Variants in DNAH10 observed in about 807,000 individuals in gnomAD.
DNAH10 encodes axonemal beta dynein heavy chain 10.
Under a neutral mutation model 506.6 loss-of-function variants are expected in DNAH10, and 348 were observed. The ratio of observed to expected loss-of-function variants is 0.69; its 90% confidence interval spans 0.63 to 0.75. The LOEUF (loss-of-function observed/expected upper bound fraction) is 0.75. DNAH10 is among the 30% of genes least tolerant of loss of function. The pLI, the probability that DNAH10 is intolerant of heterozygous loss-of-function variation, is 0.00. For missense variants in DNAH10, 5,179 were observed against 5,787.1 expected (o/e 0.89, Z 3.41); for synonymous variants, 2,059 against 2,198.6 (o/e 0.94, Z 1.78).
intron 29 of DNAH10, 121 bp downstream of exon 29, chr12:123,838,810 T>C: frequency 1.1e-6 from 1 of 898,536 alleles, no homozygotes; most frequent in Non-Finnish European, 1.7e-6. Context: ...CTGCTGGAGT[T>C]GGTTTTTTGG....
In DNAH10 at chr12:123,917,749, G is replaced by A; in HGVS notation, c.11168G>A (p.Gly3723Glu). 1 of 1,574,978 alleles carries A rather than the reference G, an allele frequency of 6.3e-7. No individual in the cohort carries two copies. Among genetic ancestry groups the A allele is most frequent in the Non-Finnish European group, 8.6e-7 (1 of 1,160,620 alleles). Residue 3723 changes from glycine to glutamate, a missense_variant, in exon 64 of 79, where the codon GGG becomes GAG. Gly to Glu is a moderately conservative substitution (Grantham distance 98). Coordinates refer to ENST00000673944, the MANE Select transcript of DNAH10 (RefSeq NM_001372106.1). The surrounding 1 kb of genome is among the most constrained non-coding windows in gnomAD (Gnocchi z 5.6). ...SLLRELATST[G>E]NMLDNVDLVH... ...CTTCGGGAGCTGGCCACGTCCACGGGGAACATGCTGGACAATGTGGACCTG... is the reference window on the plus strand; with the variant it reads ...CTTCGGGAGCTGGCCACGTCCACGGAGAACATGCTGGACAATGTGGACCTG...
At chr12:123,921,505 G>C (rs1954720897) in intron 65 of DNAH10, among the ~76,000 whole-genome samples, 1 of 152,084 alleles carries the variant, frequency 6.6e-6, no homozygotes, top group African/African-American at 2.4e-5. Flanking sequence ...CAAACAAGCT[G>C]TCCACCCATC....
At chr12:123,797,037 A>T (rs1178479804) in intron 13 of DNAH10, among the ~76,000 whole-genome samples, 5 of 151,932 alleles carry the variant, frequency 3.3e-5, no homozygotes, top group African/African-American at 1.2e-4. Flanking sequence ...CGTCCGGCTA[A>T]TTTTTTTGTA....
intron 2 of DNAH10, 141 bp downstream of exon 2, chr12:123,767,830 A>G (rs986974444): frequency 1.4e-6 from 1 of 707,822 alleles, no homozygotes; most frequent in Admixed American, 2.4e-5. Flanking sequence ...GGTCATGAAT[A>G]GACGGATGTA....
At chr12:123,849,104 A>G (rs753951503) in intron 34 of DNAH10, among the ~76,000 whole-genome samples, 2 of 152,222 alleles carry the variant, frequency 1.3e-5, no homozygotes, top group Non-Finnish European at 2.9e-5. Flanking sequence ...GACTCCAGAC[A>G]CAGAACCAAT....
At chr12:123,781,864 C>A (rs757194150) in intron 6 of DNAH10, among the ~76,000 whole-genome samples, 1 of 152,162 alleles carries the variant, frequency 6.6e-6, no homozygotes, top group Non-Finnish European at 1.5e-5. Flanking sequence ...CTCCCCTCCC[C>A]CTTTACGTAA....
In DNAH10 at chr12:123,915,113, G is replaced by A; in HGVS notation, c.10722+114G>A. On this transcript the variant is annotated intron_variant, in intron 62 of 78. Transcript: ENST00000673944. The stretch of plus-strand genomic sequence containing the variant: ...AGCCTCAGCGAGGCTGGGCTGAAAT[G>A]CTTCCATCCTGACCCCCATGCGGAG... 2.2e-6 allele frequency: 3 copies of A among 1,373,012 alleles called. No individual in the cohort carries two copies. The South Asian group carries it at 4.6e-5, about 21-fold the overall frequency. The allele number at this position is 1,373,012 out of a possible 1,614,324, so 85.1% of individuals were successfully genotyped here. A position where few individuals can be genotyped will look rare whatever the true frequency, so the allele number is the denominator to read the frequency against.
intron 30 of DNAH10, among the ~76,000 whole-genome samples, chr12:123,841,917 C>G (rs1950789251): frequency 1.3e-5 from 2 of 152,192 alleles, no homozygotes; most frequent in African/African-American, 4.8e-5. Flanking sequence ...AACTCCTGGG[C>G]TCAAGTGATC....
Position 123,925,082 on chromosome 12 carries a change from C to T in DNAH10, c.11799C>T (p.Pro3933=), listed in dbSNP as rs778307883. 34 of 1,613,998 alleles carry T rather than the reference C, an allele frequency of 2.1e-5. No homozygotes were observed. Among genetic ancestry groups the T allele is most frequent in the East Asian group, 2.2e-5 (1 of 44,888 alleles). Residue 3933 remains proline (P), a synonymous_variant, in exon 68 of 79, where the codon CCC becomes CCT. Transcript: ENST00000673944. The surrounding 1 kb of genome is among the most constrained non-coding windows in gnomAD (Gnocchi z 4.0). The part of the protein sequence containing the change: ...WYDLDSLEQF[P]VPLGYDNNIT... ...ACCTGGATTCACTGGAGCAGTTTCC[C>T]GTCCCCTTGGGTTACGATAACAACA...
chr12:123,851,212 C>T (rs1261239172), intron 35 of DNAH10, 136 bp downstream of exon 35: 21 of 909,982 alleles, frequency 2.3e-5, no homozygotes, highest in Non-Finnish European at 2.9e-5. Flanking sequence ...CCATGTGGCT[C>T]TTCCAGATGG....
chr12:123,821,272 A>G (rs1959376405), intron 24 of DNAH10, among the ~76,000 whole-genome samples: 2 of 152,168 alleles, frequency 1.3e-5, no homozygotes, highest in African/African-American at 4.8e-5. Context: ...AAGTTCTGGA[A>G]ATAGATAGTG....
chr12:123,935,009 G>T (rs1955424951), intron 78 of DNAH10: 1 of 621,620 alleles, frequency 1.6e-6, no homozygotes. Flanking sequence ...TGATCCTGTG[G>T]TCTAGACTAA....
chr12:123,883,346 C>A (rs1952592738), intron 51 of DNAH10, among the ~76,000 whole-genome samples: 1 of 152,210 alleles, frequency 6.6e-6, no homozygotes, highest in Non-Finnish European at 1.5e-5. Flanking sequence ...TCCTGTTTGT[C>A]CACACCATTC....
intron 1 of DNAH10, among the ~76,000 whole-genome samples, chr12:123,766,425 TA>T (rs1254224279): frequency 6.6e-6 from 1 of 152,218 alleles, no homozygotes; most frequent in Non-Finnish European, 1.5e-5. Context: ...TCATACTATA[TA>T]TACATATTAT....
chr12:123,928,410 G>A lies in DNAH10; in HGVS notation c.12129G>A (p.Thr4043=), dbSNP rs746506112. 5.6e-6 allele frequency: 9 copies of A among 1,604,754 alleles called. No homozygotes were observed. Among genetic ancestry groups the A allele is most frequent in the Admixed American group, 1.7e-5 (1 of 58,866 alleles). ...QEKVALQLLE[T]AVARGQWLML... is the part of the protein sequence containing the mutation. ...AGGTGGCCCTGCAGCTGCTGGAGACGGCGGTGGCTCGGGGGCAGTGGCTGA... is the reference window on the plus strand; with the variant it reads ...AGGTGGCCCTGCAGCTGCTGGAGACAGCGGTGGCTCGGGGGCAGTGGCTGA... Residue 4043 remains threonine, a synonymous_variant, in exon 70 of 79, where the codon ACG becomes ACA. Transcript: ENST00000673944. The surrounding 1 kb of genome is among the most constrained non-coding windows in gnomAD (Gnocchi z 4.9).
rs1489785336 is a variant in DNAH10 at position 123,907,717 on chromosome 12, C to T, written c.9816-1544C>T. Among the ~76,000 whole-genome samples the T allele has an allele frequency of 6.6e-6, 1 of 152,204 alleles. No individual in the cohort carries two copies. Among genetic ancestry groups the T allele is most frequent in the African/African-American group, 2.4e-5 (1 of 41,446 alleles). The stretch of plus-strand genomic sequence containing the variant: ...CCTTCTGTCTTGAATCTGAAAACAT[C>T]TGCCCCATTCTTTCCCCACCTGCTT... On this transcript the variant is annotated intron_variant, in intron 57 of 78. Transcript: ENST00000673944. This position sits in a 1 kb window ranked among gnomAD's most constrained non-coding sequence, Gnocchi z 4.4.
rs1414725577 is a variant in DNAH10, at chr12:123,917,412, T to A, written c.11003-172T>A. On this transcript the variant is annotated intron_variant, in intron 63 of 78. Coordinates refer to ENST00000673944, the MANE Select transcript of DNAH10 (RefSeq NM_001372106.1). The surrounding 1 kb of genome is among the most constrained non-coding windows in gnomAD (Gnocchi z 5.6). ...ACTCTGCACCACAGCATCGCTGTTTTGCTCCTGCCTGCCACCTTGCTGCTC... is the reference window on the plus strand; with the variant it reads ...ACTCTGCACCACAGCATCGCTGTTTAGCTCCTGCCTGCCACCTTGCTGCTC... Among the ~76,000 whole-genome samples the A allele has an allele frequency of 6.6e-6, 1 of 152,264 alleles. No individual in the cohort carries two copies. The highest frequency in any genetic ancestry group is 2.4e-5 in the African/African-American group (1 of 41,470).
Position 123,762,953 on chromosome 12 carries a change from CTG to C in DNAH10, c.214+406_214+407del, listed in dbSNP as rs1356184125. On this transcript the variant is annotated intron_variant, in intron 1 of 78. Transcript: ENST00000673944. The surrounding 1 kb of genome is among the most constrained non-coding windows in gnomAD (Gnocchi z 5.0). ...AAGGCCCACGGGGCGTCAAGATCCA[CTG>C]TGCAATAATCCGAACGGCTGGGTAG... Among the ~76,000 whole-genome samples the C allele has an allele frequency of 6.6e-6, 1 of 152,180 alleles. No homozygotes were observed. Among genetic ancestry groups the C allele is most frequent in the Non-Finnish European group, 1.5e-5 (1 of 68,026 alleles).
At position 123,800,370 on chromosome 12, in the gene DNAH10, A is replaced by C. The variant is rs1454928134; in HGVS notation, c.2444A>C (p.Gln815Pro). 19 of 1,612,714 alleles carry C rather than the reference A, an allele frequency of 1.2e-5. No homozygotes were observed. The highest frequency in any genetic ancestry group is 1.6e-5 in the Non-Finnish European group (19 of 1,179,806). ...VPELARNVAL[Q>P]EDKFLRYTAG... ...GAATTAGCAAGAAATGTTGCTCTCC[A>C]GGAAGACAAATTCCTTAGGTAAAAA... The change falls in exon 15 of 79, where the codon CAG becomes CCG. Residue 815 changes from glutamine (Q) to proline (P), a missense_variant. Coordinates refer to ENST00000673944, the MANE Select transcript of DNAH10 (RefSeq NM_001372106.1).
Sources: gnomAD v4.1 joint callset for allele counts (sites outside exome capture counted in the v4.1 genomes callset) on GRCh38, gnomAD v4.1.1 for gene constraint, Gnocchi (gnomAD v3.1) non-coding constraint, MANE v1.5 for transcripts, NCBI Gene and HGNC (gene_info 2026-07-23, HGNC 2026-07-21) for gene names.